MCTP2: variants seen among roughly 807,000 people sequenced by gnomAD.
The protein encoded by MCTP2 is multiple C2 and transmembrane domain containing 2.
In MCTP2, 132 loss-of-function variants were observed where a neutral mutation model predicts 111.6. The ratio of observed to expected loss-of-function variants is 1.18; its 90% confidence interval spans 1.03 to 1.37. MCTP2 has a LOEUF of 1.37. Among genes scored for constraint, MCTP2 ranks in the 40% most tolerant of loss-of-function variants. The pLI is 0.00. For synonymous variants in MCTP2, 395 were observed against 387.7 expected (o/e 1.02, Z -0.22); for missense variants, 1,183 against 1,067.9 (o/e 1.11, Z -1.50).
chr15:94,245,384 G>GTATATA (rs1185603744), intron 1 of MCTP2, among the ~76,000 whole-genome samples: 9 of 129,764 alleles, frequency 6.9e-5, no homozygotes, highest in African/African-American at 2.6e-4. Context: ...ATATGTATAT[G>GTATATA]TATTTATATA....
In MCTP2 at chr15:94,279,646, C is replaced by A. The variant is rs542697254; in HGVS notation, c.-65-18555C>A. Among the ~76,000 whole-genome samples the A allele has an allele frequency of 2.6e-5, 4 of 152,204 alleles. No homozygotes were observed. In the South Asian group the frequency reaches 8.3e-4, roughly 32 times the overall value. On this transcript the variant is annotated intron_variant, in intron 1 of 22. Transcript: ENST00000357742. ...ATTGTTATGACTAGGACTTCCAGTA[C>A]TATGCTGAATAGGAGTGGTGAGAGT...
rs898036162 is a variant in MCTP2 at position 94,266,184 on chromosome 15, C to T, written c.-65-32017C>T. On this transcript the variant is annotated intron_variant, in intron 1 of 22. Coordinates refer to ENST00000357742, the MANE Select transcript of MCTP2 (RefSeq NM_001385001.1). ...GTTGCTGCACTGTGATCATTACATT[C>T]TTGCATCAGAGCAGCTCCAAATAGC... Among the ~76,000 whole-genome samples, 9 of 152,180 alleles carry T rather than the reference C, an allele frequency of 5.9e-5. No individual in the cohort carries two copies. In the East Asian group the frequency reaches 1.2e-3, roughly 20 times the overall value.
chr15:94,421,633 TC>T (rs2082634226), intron 17 of MCTP2, among the ~76,000 whole-genome samples: 2 of 152,310 alleles, frequency 1.3e-5, no homozygotes, highest in South Asian at 4.1e-4. Flanking sequence ...CGTTGAGTTC[TC>T]CTGTCACATC....
chr15:94,369,093 T>G (rs185101282), intron 11 of MCTP2, among the ~76,000 whole-genome samples: 40 of 152,330 alleles, frequency 2.6e-4, no homozygotes, highest in African/African-American at 9.1e-4. Flanking sequence ...GCATTTCATT[T>G]CAAATGCGTT....
chr15:94,458,813 C>G (rs1156864009), intron 20 of MCTP2, among the ~76,000 whole-genome samples: 1 of 152,172 alleles, frequency 6.6e-6, no homozygotes, highest in Non-Finnish European at 1.5e-5. Flanking sequence ...GGTCTCTGTC[C>G]TGACTACTCA....
At chr15:94,403,210 G>A in intron 17 of MCTP2, 3 of 985,366 alleles carry the variant, frequency 3.0e-6, no homozygotes, top group Non-Finnish European at 3.6e-6. Flanking sequence ...GCTGTCTGAA[G>A]TTGCTAAAAC....
At chr15:94,243,842 T>C (rs989936816) in intron 1 of MCTP2, among the ~76,000 whole-genome samples, 1 of 148,250 alleles carries the variant, frequency 6.7e-6, no homozygotes, top group African/African-American at 2.5e-5. Flanking sequence ...TATATTTATG[T>C]ACACATATAT....
chr15:94,369,702 A>C (rs1441503968), intron 11 of MCTP2, among the ~76,000 whole-genome samples: 1 of 152,230 alleles, frequency 6.6e-6, no homozygotes, highest in Non-Finnish European at 1.5e-5. Context: ...TAACTAGGTC[A>C]GAATAATGTT....
In MCTP2 at chr15:94,479,041, C is replaced by T; in HGVS notation, c.*7C>T. On this transcript the variant is annotated 3_prime_UTR_variant, in exon 23 of 23. Transcript: ENST00000357742. ...GAAGCGCAGCGCTCTCTAGGGCACACACCGACTTTGGACAGCAGCACCCAA... is the reference window on the plus strand; with the variant it reads ...GAAGCGCAGCGCTCTCTAGGGCACATACCGACTTTGGACAGCAGCACCCAA... 1.2e-6 allele frequency: 2 copies of T among 1,613,914 alleles called. No homozygotes were observed. The highest frequency in any genetic ancestry group is 1.7e-6 in the Non-Finnish European group (2 of 1,179,878).
At chr15:94,284,916 G>C (rs950805409) in intron 1 of MCTP2, among the ~76,000 whole-genome samples, 2 of 152,162 alleles carry the variant, frequency 1.3e-5, no homozygotes, top group African/African-American at 4.8e-5. Flanking sequence ...CTCAGTTAAG[G>C]CAGGTAGTAT....
At chr15:94,278,958 C>G (rs910719326) in intron 1 of MCTP2, among the ~76,000 whole-genome samples, 67 of 151,968 alleles carry the variant, frequency 4.4e-4, no homozygotes, top group African/African-American at 1.6e-3. Context: ...GGTTATATAA[C>G]CTGTTCCATT....
chr15:94,333,092 G>C (rs183495473), intron 4 of MCTP2, among the ~76,000 whole-genome samples: 1 of 152,020 alleles, frequency 6.6e-6, no homozygotes, highest in South Asian at 2.1e-4. Context: ...AAAATTAGCC[G>C]GGCCTGGTGG....
chr15:94,280,626 C>T (rs540420496), intron 1 of MCTP2, among the ~76,000 whole-genome samples: 68 of 151,420 alleles, frequency 4.5e-4, no homozygotes, highest in Non-Finnish European at 9.0e-4. Flanking sequence ...TGTTATTTTT[C>T]TTCTGCTAAC....
At chr15:94,476,566 T>C in intron 21 of MCTP2, 130 bp from the exon 22 acceptor site, 1 of 577,522 alleles carries the variant, frequency 1.7e-6, no homozygotes, top group Non-Finnish European at 3.0e-6. Context: ...TCAGGCGAGT[T>C]TTTGAAGATA....
intron 4 of MCTP2, among the ~76,000 whole-genome samples, chr15:94,332,288 G>A (rs2077167136): frequency 7.1e-6 from 1 of 140,592 alleles, no homozygotes; most frequent in African/African-American, 2.5e-5. Context: ...ATTTTTTCTG[G>A]TGTCAAAGTC....
chr15:94,280,343 G>C (rs963825914), intron 1 of MCTP2, among the ~76,000 whole-genome samples: 15 of 150,104 alleles, frequency 1.0e-4, no homozygotes, highest in Non-Finnish European at 1.6e-4. Context: ...TTGGGAGGCT[G>C]TATGTTTCCA....
Position 94,298,298 on chromosome 15 carries a change from A to G in MCTP2, c.33A>G (p.Ser11=). MDLDKPSVWG[S]LKQRTRPLLI... ...TGGATAAACCATCTGTTTGGGGCTC[A>G]TTAAAACAGCGGACCAGGCCATTGT... Residue 11 remains serine, a synonymous_variant, in exon 2 of 23, where the codon TCA becomes TCG. Coordinates refer to ENST00000357742, the MANE Select transcript of MCTP2 (RefSeq NM_001385001.1). 6.2e-7 allele frequency: 1 copy of G among 1,613,850 alleles called. No homozygotes were observed. The highest frequency in any genetic ancestry group is 1.3e-5 in the African/African-American group (1 of 75,044).
At chr15:94,335,713 T>C (rs1427594971) in intron 4 of MCTP2, among the ~76,000 whole-genome samples, 3 of 152,264 alleles carry the variant, frequency 2.0e-5, no homozygotes, top group Non-Finnish European at 2.9e-5. Flanking sequence ...ATTTAGTAAC[T>C]AGTTACATAA....
chr15:94,325,470 C>G (rs551953857), intron 4 of MCTP2, among the ~76,000 whole-genome samples: 5 of 152,202 alleles, frequency 3.3e-5, no homozygotes, highest in Middle Eastern at 3.4e-3. Context: ...TCCCAGTTTC[C>G]TCATCAATTT....
Sources: allele counts gnomAD v4.1 joint callset (sites outside exome capture counted in the v4.1 genomes callset), GRCh38; gene constraint gnomAD v4.1.1; transcripts MANE v1.5; gene names NCBI Gene and HGNC (gene_info 2026-07-23, HGNC 2026-07-21).